Variants in ZNF440 observed in about 807,000 individuals in gnomAD.
ZNF440 encodes the protein zinc finger protein 440.
Under a neutral mutation model 49.7 loss-of-function variants are expected in ZNF440, and 47 were observed. The ratio of observed to expected loss-of-function variants is 0.95; its 90% CI spans 0.75 to 1.21. The LOEUF is 1.21. ZNF440 is among the 50% of genes most tolerant of loss of function. The pLI is 0.00. For synonymous variants in ZNF440, 255 were observed against 237.7 expected (o/e 1.07, Z -0.67); for missense variants, 703 against 715.0 (o/e 0.98, Z 0.19).
chr19:11,822,906 G>A (rs1464359344), intron 1 of ZNF440, among the ~76,000 whole-genome samples: 1 of 146,074 alleles, frequency 6.8e-6, no homozygotes, highest in African/African-American at 2.5e-5. Flanking sequence ...GTCTATCTTT[G>A]TCTCTCTGAT....
intron 1 of ZNF440, among the ~76,000 whole-genome samples, chr19:11,817,948 G>A (rs1433804972): frequency 6.6e-6 from 1 of 152,128 alleles, no homozygotes; most frequent in Non-Finnish European, 1.5e-5. Flanking sequence ...GGTGGCTCAC[G>A]CCTGTAATCC....
At chr19:11,830,210 C>A (rs1793538270) in intron 1 of ZNF440, 73 bp from the exon 2 acceptor site, 1 of 1,591,776 alleles carries the variant, frequency 6.3e-7, no homozygotes, top group Admixed American at 1.8e-5. Context: ...CTGAGAACTT[C>A]TTGGGAATAG....
intron 1 of ZNF440, among the ~76,000 whole-genome samples, chr19:11,829,294 G>C (rs1975904361): frequency 6.6e-6 from 1 of 151,076 alleles, no homozygotes; most frequent in Non-Finnish European, 1.5e-5. Context: ...GCATCATAAT[G>C]GAAGTTTCTT....
intron 1 of ZNF440, among the ~76,000 whole-genome samples, chr19:11,826,788 C>T (rs992596202): frequency 2.0e-5 from 3 of 151,468 alleles, no homozygotes; most frequent in African/African-American, 4.9e-5. Context: ...CTCAGACTCC[C>T]GAATAGCTGG....
rs199832413 is a variant in ZNF440, at chr19:11,831,991, G to A, written c.815G>A (p.Arg272His). 3.4e-4 allele frequency: 543 copies of A among 1,613,860 alleles called. 4 individuals carry two copies. The highest frequency in any genetic ancestry group is 2.8e-3 in the South Asian group (256 of 91,056). The change falls in exon 4 of 4, where the codon CGT (arginine) becomes CAT (histidine). Residue 272 changes from arginine to histidine, a missense_variant. By Grantham distance (29) the Arg-to-His change is conservative. Transcript: ENST00000304060. ...GCATTTCATAGTCCCAGATCCTATCGTAGACATGAAAGGATTCACATGGGA... is the reference window on the plus strand; with the variant it reads ...GCATTTCATAGTCCCAGATCCTATCATAGACATGAAAGGATTCACATGGGA... ...GKAFHSPRSY[R>H]RHERIHMGEK...
intron 2 of ZNF440, 55 bp from the exon 3 acceptor site, chr19:11,830,562 T>G (rs1333695308): frequency 6.2e-7 from 1 of 1,602,886 alleles, no homozygotes; most frequent in Non-Finnish European, 8.5e-7. Flanking sequence ...AATCTAATAA[T>G]TTTTTCACAA....
At chr19:11,831,338 C>A (rs747670592) in intron 3 of ZNF440, 30 bp from the exon 4 acceptor site, 1 of 1,584,924 alleles carries the variant, frequency 6.3e-7, no homozygotes, top group African/African-American at 1.4e-5. Flanking sequence ...ATAAACAAAC[C>A]CTTCATAATA....
intron 1 of ZNF440, among the ~76,000 whole-genome samples, chr19:11,826,643 C>T (rs1975869814): frequency 6.9e-6 from 1 of 145,248 alleles, no homozygotes; most frequent in African/African-American, 2.6e-5. Flanking sequence ...TTGTTGTTTT[C>T]CTTTTTTAAT....
In ZNF440 at chr19:11,829,110, G is replaced by A. The variant is rs186788981; in HGVS notation, c.4-1173G>A. Among the ~76,000 whole-genome samples, 424 of 152,240 alleles carry A rather than the reference G, an allele frequency of 2.8e-3. 3 individuals are homozygous for A. The highest frequency in any genetic ancestry group is 3.5e-3 in the Non-Finnish European group (240 of 68,026). ...TTGCTCATTACTGCCACCTCAGGAA[G>A]GTCGTATAGTGGTTAAATCTGTGCT... On this transcript the variant is annotated intron_variant, in intron 1 of 3. Transcript: ENST00000304060.
Position 11,831,349 on chromosome 19 carries a change from T to C in ZNF440, c.192-19T>C, listed in dbSNP as rs1273804620. On this transcript the variant is annotated intron_variant, in intron 3 of 3. Coordinates refer to ENST00000304060, the MANE Select transcript of ZNF440 (RefSeq NM_152357.3). ...ACTTATAAACAAACCCTTCATAATA[T>C]GCTTCTCATTTTTGACAGGAGTCTC... The C allele has an allele frequency of 6.3e-7, 1 of 1,595,754 alleles. No individual in the cohort carries two copies. The highest frequency in any genetic ancestry group is 8.5e-7 in the Non-Finnish European group (1 of 1,175,576).
In ZNF440 at chr19:11,833,084, T is replaced by C; in HGVS notation, c.*120T>C. 6.6e-7 allele frequency: 1 copy of C among 1,521,254 alleles called. No individual in the cohort carries two copies. Among genetic ancestry groups the C allele is most frequent in the South Asian group, 1.1e-5 (1 of 87,750 alleles). The allele number at this position is 1,521,254 out of a possible 1,614,324, so 94.2% of individuals were successfully genotyped here. A position where few individuals can be genotyped will look rare whatever the true frequency, so the allele number is the denominator to read the frequency against. ...AGAGAAACCCTATGAGTGTAAGCAA[T>C]GTGGGAAAGCCTTTGTTTCCTTCAC... On this transcript the variant is annotated 3_prime_UTR_variant, in exon 4 of 4. Coordinates refer to ENST00000304060, the MANE Select transcript of ZNF440 (RefSeq NM_152357.3).
intron 3 of ZNF440, 102 bp from the exon 4 acceptor site, chr19:11,831,266 C>T (rs1308750985): frequency 2.1e-6 from 3 of 1,439,920 alleles, no homozygotes; most frequent in African/African-American, 1.4e-5. Context: ...AGAAAGCCTA[C>T]ACTTTGATGG....
chr19:11,814,595 G>A (rs954873701), intron 1 of ZNF440, 145 bp downstream of exon 1: 13 of 1,014,284 alleles, frequency 1.3e-5, no homozygotes, highest in Non-Finnish European at 1.5e-5. Context: ...GGCTGGGCCG[G>A]CAGCCGGGAC....
chr19:11,834,019 T>C lies in ZNF440; in HGVS notation c.*1055T>C, dbSNP rs1975987439. ...CTGTTAAATTGTTATTATTTGGACA[T>C]TGTGAGTCAGTATAACCATGTGGAT... is the stretch of plus-strand genomic sequence containing the variant. On this transcript the variant is annotated 3_prime_UTR_variant, in exon 4 of 4. Coordinates refer to ENST00000304060, the MANE Select transcript of ZNF440 (RefSeq NM_152357.3). 1 of 256,814 alleles carries C rather than the reference T, an allele frequency of 3.9e-6. No individual in the cohort carries two copies. Among genetic ancestry groups the C allele is most frequent in the Non-Finnish European group, 7.9e-6 (1 of 127,082 alleles). 15.9% of individuals were successfully genotyped at this position (256,814 alleles called of 1,614,324 possible).
chr19:11,822,149 G>A (rs1235665347), intron 1 of ZNF440, among the ~76,000 whole-genome samples: 1 of 152,204 alleles, frequency 6.6e-6, no homozygotes, highest in Non-Finnish European at 1.5e-5. Context: ...CATCCATGTG[G>A]GGTGTAAGGG....
At chr19:11,822,371 T>C (rs959072337) in intron 1 of ZNF440, among the ~76,000 whole-genome samples, 1 of 152,316 alleles carries the variant, frequency 6.6e-6, no homozygotes, top group African/African-American at 2.4e-5. Context: ...TAACATATAA[T>C]TATAAGAACT....
At chr19:11,820,328 T>G (rs1285608880) in intron 1 of ZNF440, among the ~76,000 whole-genome samples, 1 of 152,194 alleles carries the variant, frequency 6.6e-6, no homozygotes, top group Admixed American at 6.5e-5. Flanking sequence ...GCCATTCTCC[T>G]GCCTCAGCCT....
At chr19:11,822,921 C>T (rs1975817055) in intron 1 of ZNF440, among the ~76,000 whole-genome samples, 1 of 151,182 alleles carries the variant, frequency 6.6e-6, no homozygotes, top group African/African-American at 2.4e-5. Flanking sequence ...TCTGATAATA[C>T]CATTTTCTCT....
At chr19:11,821,009 T>A (rs1975793361) in intron 1 of ZNF440, among the ~76,000 whole-genome samples, 1 of 152,150 alleles carries the variant, frequency 6.6e-6, no homozygotes, top group Non-Finnish European at 1.5e-5. Context: ...ATGTGAAATG[T>A]TCAGAGAATC....
Sources: allele counts gnomAD v4.1 joint callset (sites outside exome capture counted in the v4.1 genomes callset), GRCh38; gene constraint gnomAD v4.1.1; transcripts MANE v1.5; gene names NCBI Gene and HGNC (gene_info 2026-07-23, HGNC 2026-07-21).